The following FAN1 variants were observed in gnomAD, a reference collection of about 807,000 sequenced individuals.
FAN1 encodes the protein fanconi-associated nuclease 1.
A neutral mutation model predicts 104.9 loss-of-function variants in FAN1; 91 were observed. That is an observed-to-expected ratio of 0.87 (90% confidence interval 0.73 to 1.03). The LOEUF (loss-of-function observed/expected upper bound fraction) is 1.03, where lower values mean the gene tolerates loss of function less well. FAN1 is among the 50% of genes least tolerant of loss of function. The pLI, the probability that FAN1 is intolerant of heterozygous loss-of-function variation, is 0.00. For synonymous variants in FAN1, 478 were observed against 457.6 expected (o/e 1.04, Z -0.57); for missense variants, 1,263 against 1,239.9 (o/e 1.02, Z -0.28).
chr15:30,937,136 C>A lies in FAN1; in HGVS notation c.2934C>A (p.Gly978=), dbSNP rs766350034. 8.1e-6 allele frequency: 13 copies of A among 1,612,808 alleles called. No homozygotes were observed. Among genetic ancestry groups the A allele is most frequent in the Middle Eastern group, 3.3e-4 (2 of 6,062 alleles). The change falls in exon 14 of 15, where the codon GGC becomes GGA. Residue 978 remains glycine (G), a synonymous_variant. Coordinates refer to ENST00000362065, the MANE Select transcript of FAN1 (RefSeq NM_014967.5). ...TTTTCCAGCTGGTGGAAGTTAAAGG[C>A]CCCAATGATCGTCTTTCACATAAGC... The part of the protein sequence containing the change: ...SRHFKLVEVK[G]PNDRLSHKQM...
chr15:30,924,040 T>TCTGTAA (rs2140933143), intron 8 of FAN1, among the ~76,000 whole-genome samples: 1 of 152,312 alleles, frequency 6.6e-6, no homozygotes, highest in Non-Finnish European at 1.5e-5. Context: ...CATCTACTTT[T>TCTGTAA]TGTGTCTGTA....
chr15:30,939,349 G>A (rs1485000545), intron 14 of FAN1: 6 of 985,448 alleles, frequency 6.1e-6, no homozygotes, highest in Non-Finnish European at 7.2e-6. Context: ...GGGCAGCAGG[G>A]GTGCTGAGCT....
chr15:30,942,988 T>C lies in FAN1; in HGVS notation c.*1426T>C, dbSNP rs1345908431. The C allele has an allele frequency of 1.3e-6, 2 of 1,553,560 alleles. No homozygotes were observed. The highest frequency in any genetic ancestry group is 2.7e-5 in the African/African-American group (2 of 73,302). ...TGGAAAAGGGTGCGATCCTTTGCTGTAAACTGGAGAGACCAGTCCCAAACA... is the reference window on the plus strand; with the variant it reads ...TGGAAAAGGGTGCGATCCTTTGCTGCAAACTGGAGAGACCAGTCCCAAACA... On this transcript the variant is annotated 3_prime_UTR_variant, in exon 15 of 15. Coordinates refer to ENST00000362065, the MANE Select transcript of FAN1 (RefSeq NM_014967.5).
At chr15:30,919,200 G>T (rs1226316302) in intron 6 of FAN1, among the ~76,000 whole-genome samples, 2 of 151,912 alleles carry the variant, frequency 1.3e-5, no homozygotes, top group African/African-American at 2.4e-5. Flanking sequence ...GACCAACATG[G>T]AGAAACCTCG....
At chr15:30,927,567 G>A (rs549277899) in intron 10 of FAN1, 2 of 985,532 alleles carry the variant, frequency 2.0e-6, no homozygotes, top group Non-Finnish European at 2.4e-6. Flanking sequence ...CAGCACCCCT[G>A]ATCCCACTCA....
rs1483399323 is a variant in FAN1 at position 30,929,899 on chromosome 15, A to T, written c.2787+502A>T. ...ATATATAATATATATCATATATAATATATAAAATATATAATATATATCATA... is the reference window on the plus strand; with the variant it reads ...ATATATAATATATATCATATATAATTTATAAAATATATAATATATATCATA... On this transcript the variant is annotated intron_variant, in intron 12 of 14. Transcript: ENST00000362065. 2.4e-3 allele frequency among the ~76,000 whole-genome samples: 182 copies of T among 75,434 alleles called. 3 individuals are homozygous for T. The highest frequency in any genetic ancestry group is 3.6e-3 in the Non-Finnish European group (158 of 43,746). The allele number at this position is 75,434 out of a possible 152,430, so 49.5% of individuals were successfully genotyped here.
intron 11 of FAN1, 31 bp from the exon 12 acceptor site, chr15:30,929,172 A>G (rs186763003): frequency 5.5e-5 from 88 of 1,602,932 alleles, no homozygotes; most frequent in African/African-American, 1.3e-4. Flanking sequence ...CTGCAGGCAC[A>G]GTATGACAGC....
In FAN1 at chr15:30,941,997, G is replaced by A. The variant is rs371202080; in HGVS notation, c.*435G>A. The A allele has an allele frequency of 6.2e-7, 1 of 1,613,886 alleles. No individual in the cohort carries two copies. Among genetic ancestry groups the A allele is most frequent in the African/African-American group, 1.3e-5 (1 of 74,922 alleles). ...TTTAATATCAATGAATTTCTCCTTG[G>A]AAGTAATTCTTGGTCACTGATGATT... On this transcript the variant is annotated 3_prime_UTR_variant, in exon 15 of 15. Transcript: ENST00000362065.
intron 5 of FAN1, among the ~76,000 whole-genome samples, 174 bp downstream of exon 5, chr15:30,914,265 G>C (rs1183634090): frequency 6.6e-6 from 1 of 152,182 alleles, no homozygotes; most frequent in Admixed American, 6.5e-5. Context: ...AAATGTAGAA[G>C]TGTGCTGAGA....
Position 30,925,176 on chromosome 15 carries a change from G to A in FAN1, c.2222G>A (p.Gly741Glu). Residue 741 changes from glycine (G) to glutamate (E), a missense_variant, in exon 9 of 15, where the codon GGA (glycine) becomes GAA (glutamate). This residue lies in a region of FAN1 where 581 missense variants were observed against 668.8 expected (regional missense o/e 0.87). Coordinates refer to ENST00000362065, the MANE Select transcript of FAN1 (RefSeq NM_014967.5). ...CTGGCGGATCCGGAAGTCAGAACGG[G>A]ACACCGCCTTTCACTGTATCAGCGA... ...EGLADPEVRTGHRLSLYQRAV... is the reference protein window; with the variant it reads ...EGLADPEVRTEHRLSLYQRAV... 6.2e-7 allele frequency: 1 copy of A among 1,614,034 alleles called. No homozygotes were observed. The highest frequency in any genetic ancestry group is 8.5e-7 in the Non-Finnish European group (1 of 1,180,020).
chr15:30,933,859 C>G (rs1025374235), intron 13 of FAN1, among the ~76,000 whole-genome samples: 3 of 152,038 alleles, frequency 2.0e-5, no homozygotes, highest in Admixed American at 1.3e-4. Context: ...CTCCCAGGCT[C>G]AAGCAATTCT....
rs11293 is a variant in FAN1 at position 30,942,778 on chromosome 15, G to A, written c.*1216G>A. ...AAAGGGAATGACCCCTCAGAAACCC[G>A]CATTAGCAGTGTTACTCTTGGAAGT... On this transcript the variant is annotated 3_prime_UTR_variant, in exon 15 of 15. Coordinates refer to ENST00000362065, the MANE Select transcript of FAN1 (RefSeq NM_014967.5). The A allele has an allele frequency of 0.3, 334,829 of 1,107,298 alleles. 53,788 individuals are homozygous for A. The highest frequency in any genetic ancestry group is 0.33 in the Non-Finnish European group (266,708 of 799,716). 68.6% of individuals were successfully genotyped at this position (1,107,298 alleles called of 1,614,324 possible).
At chr15:30,922,166 G>A (rs1454012319) in intron 7 of FAN1, 69 bp from the exon 8 acceptor site, 3 of 1,563,544 alleles carry the variant, frequency 1.9e-6, no homozygotes, top group Non-Finnish European at 2.6e-6. Context: ...AATCCTATGG[G>A]CTTGTAAATA....
chr15:30,940,214 T>TAAGA (rs755277542), intron 14 of FAN1: 42 of 985,098 alleles, frequency 4.3e-5, no homozygotes, highest in African/African-American at 7.0e-5. Flanking sequence ...TTCACTGCTG[T>TAAGA]AAGAAGCTTC....
At chr15:30,909,376 G>T (rs1412095163) in intron 3 of FAN1, among the ~76,000 whole-genome samples, 1 of 152,170 alleles carries the variant, frequency 6.6e-6, no homozygotes, top group Non-Finnish European at 1.5e-5. Context: ...GCTTGGTTGT[G>T]AATGGTTAGT....
intron 13 of FAN1, among the ~76,000 whole-genome samples, chr15:30,934,515 A>G (rs1282976699): frequency 6.6e-6 from 1 of 152,126 alleles, no homozygotes; most frequent in East Asian, 1.9e-4. Context: ...CTGGAACCAC[A>G]GGTGCACGCC....
At chr15:30,930,373 C>T (rs1287003079) in intron 12 of FAN1, among the ~76,000 whole-genome samples, 170 bp from the exon 13 acceptor site, 1 of 152,186 alleles carries the variant, frequency 6.6e-6, no homozygotes, top group African/African-American at 2.4e-5. Flanking sequence ...GGATTCCAGC[C>T]ATGGCTCTGC....
At position 30,925,306 on chromosome 15, in the gene FAN1, T is replaced by A; in HGVS notation, c.2337+15T>A. The A allele has an allele frequency of 2.5e-6, 4 of 1,610,454 alleles. No homozygotes were observed. Among genetic ancestry groups the A allele is most frequent in the Non-Finnish European group, 3.4e-6 (4 of 1,177,686 alleles). On this transcript the variant is annotated intron_variant, in intron 9 of 14. Transcript: ENST00000362065. ...ATGTGAAACACGTGAGGAAAGAGCC[T>A]GTGGGTGCTTTGGACTTAGGCGCGT...
intron 13 of FAN1, among the ~76,000 whole-genome samples, chr15:30,931,108 T>C (rs2062699181): frequency 6.6e-6 from 1 of 152,212 alleles, no homozygotes; most frequent in Non-Finnish European, 1.5e-5. Context: ...AGGGGACAGA[T>C]ACCCCATTCC....
Sources: allele counts gnomAD v4.1 joint callset (sites outside exome capture counted in the v4.1 genomes callset), GRCh38; gene constraint gnomAD v4.1.1; regional missense constraint gnomAD v4.1.1; transcripts MANE v1.5; gene names NCBI Gene and HGNC (gene_info 2026-07-23, HGNC 2026-07-21).